NEK6: variants seen among roughly 807,000 people sequenced by gnomAD.
NEK6 encodes the protein serine/threonine-protein kinase Nek6.
Under a neutral mutation model 43.5 loss-of-function variants are expected in NEK6, and 27 were observed. The observed-to-expected ratio is 0.62, with a 90% confidence interval of 0.46 to 0.86. The LOEUF is 0.86. NEK6 is among the 40% of genes least tolerant of loss of function. NEK6 has a pLI of 0.00. For missense variants in NEK6, 318 were observed against 414.4 expected, an observed-to-expected ratio of 0.77 and a Z score of 2.02; for synonymous variants, 167 against 164.1, an observed-to-expected ratio of 1.02 and a Z score of -0.14.
intron 1 of NEK6, among the ~76,000 whole-genome samples, chr9:124,278,945 G>A (rs1381963113): frequency 3.3e-5 from 5 of 152,158 alleles, no homozygotes; most frequent in Admixed American, 2.6e-4. Flanking sequence ...TGTGTACCGG[G>A]GCACTTTGCC....
chr9:124,272,734 A>T (rs1831497900), intron 1 of NEK6, among the ~76,000 whole-genome samples: 2 of 152,168 alleles, frequency 1.3e-5, no homozygotes, highest in Non-Finnish European at 2.9e-5. Context: ...GTCACATGTG[A>T]TCGCATCGAC....
At chr9:124,344,764 C>T (rs1033205010) in intron 8 of NEK6, among the ~76,000 whole-genome samples, 3 of 152,186 alleles carry the variant, frequency 2.0e-5, no homozygotes, top group Non-Finnish European at 4.4e-5. Context: ...GGGGCCTCCT[C>T]GCAGCAGCCT....
chr9:124,319,363 A>C (rs894661873), intron 4 of NEK6, among the ~76,000 whole-genome samples: 3 of 151,904 alleles, frequency 2.0e-5, no homozygotes, highest in African/African-American at 7.3e-5. Context: ...GTCCTTTGTC[A>C]GATGCATAGT....
intron 1 of NEK6, among the ~76,000 whole-genome samples, chr9:124,271,500 C>T (rs1322862290): frequency 1.3e-5 from 2 of 152,242 alleles, no homozygotes; most frequent in African/African-American, 4.8e-5. Context: ...AAGTACTTTC[C>T]GTGTGTTGCC....
At chr9:124,295,213 G>A (rs1013654444) in intron 1 of NEK6, among the ~76,000 whole-genome samples, 4 of 152,252 alleles carry the variant, frequency 2.6e-5, no homozygotes, top group Non-Finnish European at 5.9e-5. Flanking sequence ...CGCTGTCATG[G>A]AGCTGCAGAA....
intron 4 of NEK6, among the ~76,000 whole-genome samples, chr9:124,320,832 C>A (rs1323662263): frequency 6.6e-6 from 1 of 152,172 alleles, no homozygotes; most frequent in African/African-American, 2.4e-5. Flanking sequence ...TGGCATGCAG[C>A]CGTAGTCCCA....
At chr9:124,309,983 G>T (rs761874018) in intron 2 of NEK6, among the ~76,000 whole-genome samples, 2 of 152,198 alleles carry the variant, frequency 1.3e-5, no homozygotes, top group African/African-American at 4.8e-5. Flanking sequence ...CTGGGGCGGG[G>T]CCTGGGGCAG....
intron 2 of NEK6, among the ~76,000 whole-genome samples, chr9:124,304,682 C>G (rs73666854): frequency 6.6e-6 from 1 of 152,202 alleles, no homozygotes; most frequent in African/African-American, 2.4e-5. Flanking sequence ...AAAGAAACTA[C>G]AACCACCTGA....
chr9:124,295,164 A>G lies in NEK6; in HGVS notation c.-29-6772A>G, dbSNP rs568268352. ...CATGGCCACCTTCCAGGAGTGGCTC[A>G]TGGTCCTGCATCCCTGCACCTTAGA... is the stretch of plus-strand genomic sequence containing the variant. On this transcript the variant is annotated intron_variant, in intron 1 of 9. Transcript: ENST00000320246. 4.6e-5 allele frequency among the ~76,000 whole-genome samples: 7 copies of G among 152,352 alleles called. No homozygotes were observed. In the South Asian group the frequency reaches 6.2e-4, roughly 14 times the overall value.
intron 4 of NEK6, among the ~76,000 whole-genome samples, chr9:124,318,247 AT>A (rs996164440): frequency 1.7e-4 from 25 of 147,280 alleles, no homozygotes; most frequent in South Asian, 2.1e-4. Context: ...TCTCATTGTA[AT>A]TTTTTTTTTT....
At chr9:124,336,548 C>G (rs1829299671) in intron 7 of NEK6, among the ~76,000 whole-genome samples, 1 of 152,196 alleles carries the variant, frequency 6.6e-6, no homozygotes, top group African/African-American at 2.4e-5. Flanking sequence ...ATTCTCCTCC[C>G]AGGGTCCTGG....
At chr9:124,344,617 C>T (rs1352164308) in intron 8 of NEK6, among the ~76,000 whole-genome samples, 5 of 152,254 alleles carry the variant, frequency 3.3e-5, no homozygotes, top group African/African-American at 1.2e-4. Context: ...GCTCTGTTCT[C>T]GTTACCTAGA....
intron 1 of NEK6, among the ~76,000 whole-genome samples, chr9:124,301,112 G>A (rs1382525981): frequency 1.3e-5 from 2 of 152,210 alleles, no homozygotes; most frequent in Non-Finnish European, 2.9e-5. Context: ...GCATCAGGAA[G>A]CATCCCGGTG....
chr9:124,274,921 G>A (rs1374687046), intron 1 of NEK6, among the ~76,000 whole-genome samples: 3 of 152,198 alleles, frequency 2.0e-5, no homozygotes, highest in African/African-American at 4.8e-5. Flanking sequence ...TTGGAGACTG[G>A]CATTGATTAG....
At position 124,345,997 on chromosome 9, in the gene NEK6, A is replaced by G. The variant is rs191119520; in HGVS notation, c.718-1712A>G. 9.5e-4 allele frequency among the ~76,000 whole-genome samples: 144 copies of G among 152,268 alleles called. 1 individual carries two copies. The highest frequency in any genetic ancestry group is 3.2e-3 in the African/African-American group (134 of 41,570). On this transcript the variant is annotated intron_variant, in intron 8 of 9. Transcript: ENST00000320246. ...ATCCTCACACTTCCCCTGCCTGGCC[A>G]GACCCTCCCTGCAGCCCTCCTCCAA...
At chr9:124,262,236 T>C (rs1008639386) in intron 1 of NEK6, among the ~76,000 whole-genome samples, 1 of 152,136 alleles carries the variant, frequency 6.6e-6, no homozygotes, top group East Asian at 1.9e-4. Context: ...AGAAAAAAAA[T>C]CAGGCCAGCA....
chr9:124,294,752 G>A (rs943731331), intron 1 of NEK6, among the ~76,000 whole-genome samples: 9 of 152,164 alleles, frequency 5.9e-5, no homozygotes, highest in Non-Finnish European at 1.2e-4. Context: ...GGCTTGCTCC[G>A]GTGTGCGGAC....
intron 1 of NEK6, among the ~76,000 whole-genome samples, chr9:124,262,573 T>G (rs553034822): frequency 6.2e-4 from 95 of 152,374 alleles, no homozygotes; most frequent in Non-Finnish European, 1.1e-3. Context: ...CCAGGCCTTC[T>G]TGGCCTCCAG....
chr9:124,350,947 A>G lies in NEK6; in HGVS notation c.942A>G (p.Ter314TrpextTer17), dbSNP rs1363269245. Residue 314 changes from the stop codon to tryptophan, a stop_lost, in exon 10 of 10, where the codon TGA (stop) becomes TGG (tryptophan). Transcript: ENST00000320246. ...KQMHIWMSST[*>W] ...TGCACATCTGGATGTCCAGCACCTG[A>G]GCGTGGATGCACCGTGCCTTATCAA... is the stretch of plus-strand genomic sequence containing the variant. 1 of 1,603,936 alleles carries G rather than the reference A, an allele frequency of 6.2e-7. No individual in the cohort carries two copies. The highest frequency in any genetic ancestry group is 8.5e-7 in the Non-Finnish European group (1 of 1,175,948).
Sources: allele counts gnomAD v4.1 joint callset (sites outside exome capture counted in the v4.1 genomes callset), GRCh38; gene constraint gnomAD v4.1.1; transcripts MANE v1.5; gene names NCBI Gene and HGNC (gene_info 2026-07-23, HGNC 2026-07-21).